RELN: variants seen among roughly 807,000 people sequenced by gnomAD.
The protein encoded by RELN is reelin.
Under a neutral mutation model 427.6 loss-of-function variants are expected in RELN, and 108 were observed. The observed-to-expected ratio is 0.25, with a 90% CI of 0.22 to 0.30. The LOEUF (loss-of-function observed/expected upper bound fraction) is 0.30. RELN is among the 10% of genes least tolerant of loss of function. The pLI is 1.00. For synonymous variants in RELN, 1,524 were observed against 1,513.4 expected (o/e 1.01, Z -0.16); for missense variants, 3,715 against 4,302.8 (o/e 0.86, Z 3.82).
intron 6 of RELN, among the ~76,000 whole-genome samples, chr7:103,747,141 T>C (rs1431139244): frequency 6.6e-6 from 1 of 151,990 alleles, no homozygotes; most frequent in Non-Finnish European, 1.5e-5. Flanking sequence ...GAAACCATCA[T>C]TCTCAGCAAA....
chr7:103,613,060 G>A (rs1014806449), intron 20 of RELN, among the ~76,000 whole-genome samples: 4 of 152,170 alleles, frequency 2.6e-5, no homozygotes, highest in Admixed American at 2.6e-4. Context: ...ACCATTTGTG[G>A]AATCTCGGCC....
intron 12 of RELN, among the ~76,000 whole-genome samples, chr7:103,659,252 T>TG (rs1200004751): frequency 1.3e-5 from 2 of 152,072 alleles, no homozygotes; most frequent in African/African-American, 4.8e-5. Context: ...CTTTAATTTC[T>TG]GATTATTTCA....
At chr7:103,656,240 T>C (rs909444609) in intron 12 of RELN, among the ~76,000 whole-genome samples, 3 of 152,132 alleles carry the variant, frequency 2.0e-5, no homozygotes, top group Admixed American at 6.6e-5. Context: ...AAATACACTA[T>C]TGGAATTATG....
At chr7:103,823,809 C>T (rs1268418334) in intron 3 of RELN, among the ~76,000 whole-genome samples, 3 of 152,158 alleles carry the variant, frequency 2.0e-5, no homozygotes, top group East Asian at 3.9e-4. Context: ...GGTTTGTTTT[C>T]ATTTTACTGA....
chr7:103,495,599 A>G, intron 57 of RELN, 124 bp downstream of exon 57: 1 of 935,532 alleles, frequency 1.1e-6, no homozygotes, highest in Non-Finnish European at 1.7e-6. Context: ...TCTTTTATTC[A>G]TAAGATAAAG....
intron 2 of RELN, among the ~76,000 whole-genome samples, chr7:103,839,474 G>C (rs1430632101): frequency 6.6e-6 from 1 of 151,922 alleles, no homozygotes; most frequent in East Asian, 1.9e-4. Context: ...TTCCTGTTTT[G>C]CAACAGACAC....
At chr7:103,885,592 T>G (rs6465943) in intron 2 of RELN, among the ~76,000 whole-genome samples, 118,853 of 151,896 alleles carry the variant, frequency 0.78, 46,550 homozygotes, top group East Asian at 0.87. Context: ...CTGTTGTGGG[T>G]TGGGGGACTT....
At chr7:103,877,331 C>T (rs1043392131) in intron 2 of RELN, among the ~76,000 whole-genome samples, 2 of 152,108 alleles carry the variant, frequency 1.3e-5, no homozygotes, top group African/African-American at 4.8e-5. Flanking sequence ...ACATGTCTGC[C>T]TCAATTTATT....
At chr7:103,578,690 A>G (rs1831058691) in intron 28 of RELN, among the ~76,000 whole-genome samples, 1 of 152,214 alleles carries the variant, frequency 6.6e-6, no homozygotes, top group Non-Finnish European at 1.5e-5. Flanking sequence ...AAGAACTGAT[A>G]AAGAATTCAT....
chr7:103,491,903 T>C (rs1828684609), intron 58 of RELN, 50 bp downstream of exon 58: 1 of 1,060,960 alleles, frequency 9.4e-7, no homozygotes, highest in East Asian at 2.8e-5. Context: ...CACAACGATT[T>C]GGATGGGGTA....
chr7:103,486,052 T>A, intron 61 of RELN, 145 bp downstream of exon 61: 1 of 762,154 alleles, frequency 1.3e-6, no homozygotes, highest in South Asian at 1.5e-5. Context: ...CATATATGCT[T>A]CCTTGTCCCA....
At chr7:103,972,111 AT>A (rs1315535911) in intron 1 of RELN, among the ~76,000 whole-genome samples, 2 of 152,296 alleles carry the variant, frequency 1.3e-5, no homozygotes, top group East Asian at 1.9e-4. Context: ...AAATAAAAAA[AT>A]CTCTGCAATG....
rs779823139 is a variant in RELN, at chr7:103,989,288, C to T, written c.69G>A (p.Ala23=). Reference sequence around the variant, plus strand: ...GGGGGTAATAGCCAGCCGCCGCGCGCGCCCTCAGCGTCGCCCCCAGCAACA... The same window carrying T: ...GGGGGTAATAGCCAGCCGCCGCGCGTGCCCTCAGCGTCGCCCCCAGCAACA... ...LALLLGATLR[A]RAAAGYYPRF... is the part of the protein sequence containing the mutation. The change falls in exon 1 of 65, where the codon GCG becomes GCA. Residue 23 remains alanine (A), a synonymous_variant. Transcript: ENST00000428762. The surrounding 1 kb of genome is among the most constrained non-coding windows in gnomAD (Gnocchi z 4.9). The T allele has an allele frequency of 6.2e-7, 1 of 1,613,032 alleles. No homozygotes were observed. Among genetic ancestry groups the T allele is most frequent in the South Asian group, 1.1e-5 (1 of 91,056 alleles).
intron 2 of RELN, among the ~76,000 whole-genome samples, chr7:103,872,152 C>T (rs1297136458): frequency 6.6e-5 from 9 of 136,432 alleles, no homozygotes; most frequent in Non-Finnish European, 1.1e-4. Flanking sequence ...CATGCTGGTG[C>T]GCTGCACCCA....
intron 1 of RELN, among the ~76,000 whole-genome samples, chr7:103,941,178 C>T (rs987944293): frequency 3.9e-5 from 6 of 152,086 alleles, no homozygotes; most frequent in East Asian, 1.9e-4. Context: ...CTTAGACTTC[C>T]ATAACTGTCA....
At chr7:103,536,003 G>T (rs1400303059) in intron 45 of RELN, among the ~76,000 whole-genome samples, 4 of 151,894 alleles carry the variant, frequency 2.6e-5, no homozygotes, top group African/African-American at 7.3e-5. Flanking sequence ...TTAATAATTA[G>T]TGTTCAAACT....
chr7:103,663,343 T>C (rs371121689), intron 11 of RELN, among the ~76,000 whole-genome samples: 1 of 152,182 alleles, frequency 6.6e-6, no homozygotes, highest in East Asian at 1.9e-4. Context: ...CAGCAGATCC[T>C]CAATAATTCT....
At chr7:103,985,879 G>A (rs1797087110) in intron 1 of RELN, among the ~76,000 whole-genome samples, 1 of 152,122 alleles carries the variant, frequency 6.6e-6, no homozygotes, top group Admixed American at 6.5e-5. Flanking sequence ...TGATTACGGG[G>A]CATGGCTGGA....
In RELN at chr7:103,566,421, A is replaced by G. The variant is rs1562895297; in HGVS notation, c.4748-9T>C. 6.2e-7 allele frequency: 1 copy of G among 1,613,576 alleles called. No homozygotes were observed. The highest frequency in any genetic ancestry group is 8.5e-7 in the Non-Finnish European group (1 of 1,179,576). ...CTGGGCTGAATGCTTCCCTGCAATC[A>G]GATGAATAAAGGTGGTTAGAGAAGT... On this transcript the variant is annotated splice_polypyrimidine_tract_variant and intron_variant, in intron 32 of 64. Coordinates refer to ENST00000428762, the MANE Select transcript of RELN (RefSeq NM_005045.4).
Sources: gnomAD v4.1 joint callset for allele counts (sites outside exome capture counted in the v4.1 genomes callset) on GRCh38, gnomAD v4.1.1 for gene constraint, Gnocchi (gnomAD v3.1) non-coding constraint, MANE v1.5 for transcripts, NCBI Gene and HGNC (gene_info 2026-07-23, HGNC 2026-07-21) for gene names.